Variants in RP1 observed in about 807,000 individuals in gnomAD.
The protein encoded by RP1 is oxygen-regulated protein 1.
RP1 carries 16 observed loss-of-function variants against 14.8 expected under a neutral mutation model. That is an observed-to-expected ratio of 1.08 (90% CI 0.73 to 1.65). The LOEUF (loss-of-function observed/expected upper bound fraction) is 1.65, where lower values mean the gene tolerates loss of function less well. RP1 is among the 40% of genes most tolerant of loss of function. RP1 has a pLI of 0.00. For synonymous variants in RP1, 876 were observed against 883.6 expected, an observed-to-expected ratio of 0.99 and a Z score of 0.15; for missense variants, 2,631 against 2,535.0, an observed-to-expected ratio of 1.04 and a Z score of -0.81.
At chr8:54,734,615 A>G in exon 18 of RP1, 1 of 1,535,804 alleles carries the variant, frequency 6.5e-7, no homozygotes, top group Non-Finnish European at 8.7e-7. Flanking sequence ...TAGTGCTGAC[A>G]GGAAATACAG....
intron 25 of RP1, among the ~76,000 whole-genome samples, chr8:54,841,108 T>G (rs541662032): frequency 1.3e-5 from 2 of 152,198 alleles, no homozygotes; most frequent in Non-Finnish European, 1.5e-5. Flanking sequence ...TGGAAAATCA[T>G]CTTGGTGCCA....
intron 24 of RP1, among the ~76,000 whole-genome samples, chr8:54,819,135 T>C (rs1465356045): frequency 6.6e-6 from 1 of 152,050 alleles, no homozygotes; most frequent in Non-Finnish European, 1.5e-5. Flanking sequence ...TTCTGGATCC[T>C]GTAGGCATGC....
At chr8:54,713,466 A>T (rs1295226439) in intron 15 of RP1, among the ~76,000 whole-genome samples, 1 of 152,216 alleles carries the variant, frequency 6.6e-6, no homozygotes, top group Admixed American at 6.5e-5. Flanking sequence ...TGTAACCAAG[A>T]TATGCACACA....
At chr8:54,724,662 T>C (rs898982480) in intron 16 of RP1, among the ~76,000 whole-genome samples, 2 of 152,178 alleles carry the variant, frequency 1.3e-5, no homozygotes, top group African/African-American at 4.8e-5. Flanking sequence ...AGGGTCACTT[T>C]GGTACTTGGC....
At chr8:54,586,627 A>T (rs980412875) in intron 1 of RP1, among the ~76,000 whole-genome samples, 2 of 152,300 alleles carry the variant, frequency 1.3e-5, no homozygotes, top group African/African-American at 4.8e-5. Flanking sequence ...GGCCTCCTTG[A>T]GGTGCTGTGG....
rs559419185 is a variant in RP1, at chr8:54,649,241, A to G, written c.951+93A>G. The G allele has an allele frequency of 1.5e-4, 148 of 981,876 alleles. No individual in the cohort carries two copies. In the African/African-American group the frequency reaches 2.2e-3, roughly 15 times the overall value. The allele number at this position is 981,876 out of a possible 1,614,324, so 60.8% of individuals were successfully genotyped here. ...CATAGTCTATCCCTTTAGTAACACCATGTGCCCTGTAGAAGATCATTCAAA... is the reference window on the plus strand; with the variant it reads ...CATAGTCTATCCCTTTAGTAACACCGTGTGCCCTGTAGAAGATCATTCAAA... On this transcript the variant is annotated intron_variant, in intron 4 of 22. Coordinates refer to the RP1 transcript ENST00000636932.
chr8:54,726,822 T>C (rs6473950), intron 17 of RP1, among the ~76,000 whole-genome samples: 118,580 of 151,368 alleles, frequency 0.78, 47,138 homozygotes, highest in African/African-American at 0.92. Flanking sequence ...GTCTAAGCAA[T>C]GAAAAAAATA....
chr8:54,583,395 A>G lies in RP1; in HGVS notation c.-13+24075A>G, dbSNP rs1406354328. Among the ~76,000 whole-genome samples the G allele has an allele frequency of 3.3e-5, 5 of 152,124 alleles. No homozygotes were observed. The South Asian group carries it at 6.2e-4, about 19-fold the overall frequency. On this transcript the variant is annotated intron_variant, in intron 1 of 22. Coordinates refer to the RP1 transcript ENST00000636932. ...AGCTTTTTGATGTGCTGCTGGATTC[A>G]GTTTGCCAGTATTTTATTGAGGATT...
chr8:54,779,665 C>T (rs928922102), intron 23 of RP1, among the ~76,000 whole-genome samples: 7 of 152,278 alleles, frequency 4.6e-5, no homozygotes, highest in Middle Eastern at 3.4e-3. Flanking sequence ...ATAACTCAAC[C>T]GTGCTTTCCT....
chr8:54,694,303 G>C (rs1437570382), intron 12 of RP1, among the ~76,000 whole-genome samples: 1 of 152,102 alleles, frequency 6.6e-6, no homozygotes, highest in Non-Finnish European at 1.5e-5. Context: ...GTCTCTGCCA[G>C]GCTTTGGTAT....
chr8:54,649,085 C>T, exon 4 of RP1: 3 of 1,530,462 alleles, frequency 2.0e-6, no homozygotes, highest in East Asian at 2.5e-5. Flanking sequence ...GAAGTTCAGC[C>T]CCCATATATC....
chr8:54,634,152 C>G (rs542663641), downstream of RP1, among the ~76,000 whole-genome samples: 24 of 152,232 alleles, frequency 1.6e-4, no homozygotes, highest in South Asian at 4.6e-3. Context: ...TCCTACTATT[C>G]TACGCTCTTG....
At chr8:54,739,910 T>C (rs1211111634) in intron 19 of RP1, among the ~76,000 whole-genome samples, 2 of 152,066 alleles carry the variant, frequency 1.3e-5, no homozygotes, top group Non-Finnish European at 2.9e-5. Flanking sequence ...GAATTACTCA[T>C]GTATTTGTGG....
intron 1 of RP1, among the ~76,000 whole-genome samples, chr8:54,605,688 G>C (rs1337377221): frequency 6.6e-6 from 1 of 152,132 alleles, no homozygotes; most frequent in Non-Finnish European, 1.5e-5. Flanking sequence ...CTCTTTGCAG[G>C]TCTCTAAGGA....
intron 25 of RP1, among the ~76,000 whole-genome samples, chr8:54,839,370 A>G (rs1207253502): frequency 6.6e-6 from 1 of 152,214 alleles, no homozygotes; most frequent in Non-Finnish European, 1.5e-5. Context: ...AGATAAGGGT[A>G]AACACATGCC....
intron 25 of RP1, among the ~76,000 whole-genome samples, chr8:54,839,887 G>T (rs1174040831): frequency 6.6e-6 from 1 of 152,162 alleles, no homozygotes; most frequent in Non-Finnish European, 1.5e-5. Context: ...TATTTTGACA[G>T]TTTGCAAAAA....
At chr8:54,708,243 G>A (rs1808197486) in intron 15 of RP1, among the ~76,000 whole-genome samples, 7 of 152,150 alleles carry the variant, frequency 4.6e-5, no homozygotes, top group Admixed American at 3.9e-4. Flanking sequence ...GTGGGAAATG[G>A]GTCAACATTG....
intron 15 of RP1, among the ~76,000 whole-genome samples, chr8:54,713,581 T>G (rs1191088924): frequency 2.6e-5 from 4 of 152,176 alleles, no homozygotes; most frequent in African/African-American, 9.7e-5. Flanking sequence ...TGCCTCTTCA[T>G]TCAAAGTATA....
intron 3 of RP1, among the ~76,000 whole-genome samples, chr8:54,645,821 T>C (rs1435678182): frequency 6.6e-6 from 1 of 152,180 alleles, no homozygotes; most frequent in Non-Finnish European, 1.5e-5. Context: ...TTGTGAAAAA[T>C]ATTTACAGTA....
Sources: allele counts gnomAD v4.1 joint callset (sites outside exome capture counted in the v4.1 genomes callset), GRCh38; gene constraint gnomAD v4.1.1; transcripts MANE v1.5; gene names NCBI Gene and HGNC (gene_info 2026-07-23, HGNC 2026-07-21).